The following KHDC4 variants were observed in gnomAD, a reference collection of about 807,000 sequenced individuals.
KHDC4 encodes KH homology domain-containing protein 4.
A neutral mutation model predicts 74.5 loss-of-function variants in KHDC4; 19 were observed. The ratio of observed to expected loss-of-function variants is 0.26; its 90% CI spans 0.18 to 0.37. The LOEUF (loss-of-function observed/expected upper bound fraction) is 0.37. Among genes scored for constraint, KHDC4 ranks in the 10% least tolerant of loss-of-function variants. KHDC4 has a pLI of 1.00. For missense variants in KHDC4, 632 were observed against 754.1 expected, an observed-to-expected ratio of 0.84 and a Z score of 1.90; for synonymous variants, 253 against 266.1, an observed-to-expected ratio of 0.95 and a Z score of 0.48.
intron 13 of KHDC4, 165 bp downstream of exon 13, chr1:155,915,708 T>A (rs1673716406): frequency 9.4e-6 from 5 of 531,790 alleles, no homozygotes; most frequent in Non-Finnish European, 1.7e-5. Context: ...GATTTCACTA[T>A]GTTGGCCAAG....
chr1:155,929,416 G>T (rs1342874087), intron 3 of KHDC4, 41 bp from the exon 4 acceptor site: 1 of 1,505,772 alleles, frequency 6.6e-7, no homozygotes, highest in Admixed American at 1.7e-5. Flanking sequence ...GTGGCAATTG[G>T]TTGATTTCAA....
chr1:155,927,824 A>AAAAC (rs1318767479), intron 4 of KHDC4, among the ~76,000 whole-genome samples: 8 of 88,288 alleles, frequency 9.1e-5, no homozygotes, highest in Admixed American at 8.1e-4. Flanking sequence ...AAAAAAAAAA[A>AAAAC]AAAAAAACCA....
At chr1:155,923,774 T>A (rs1673920137) in intron 7 of KHDC4, 87 bp from the exon 8 acceptor site, 1 of 975,918 alleles carries the variant, frequency 1.0e-6, no homozygotes, top group East Asian at 2.5e-5. Flanking sequence ...CTATTTTACA[T>A]ATCTACATTA....
rs1021738422 is a variant in KHDC4, at chr1:155,931,199, G to A, written c.256-1359C>T. Among the ~76,000 whole-genome samples, 6 of 147,596 alleles carry A rather than the reference G, an allele frequency of 4.1e-5. No homozygotes were observed. The East Asian group carries it at 1.0e-3, about 25-fold the overall frequency. Reference sequence around the variant, plus strand: ...TAGCTGGGCACGGTGGCATGAGACTGTAGTCTCAGCTACTCAGCAGGCTGA... The same window carrying A: ...TAGCTGGGCACGGTGGCATGAGACTATAGTCTCAGCTACTCAGCAGGCTGA... On this transcript the variant is annotated intron_variant, in intron 2 of 13. Coordinates refer to ENST00000368321, the MANE Select transcript of KHDC4 (RefSeq NM_014949.4).
At chr1:155,931,048 C>T (rs1674130113) in intron 2 of KHDC4, among the ~76,000 whole-genome samples, 1 of 151,608 alleles carries the variant, frequency 6.6e-6, no homozygotes, top group African/African-American at 2.4e-5. Context: ...AAGGCTGGGA[C>T]CGGTGGCTCA....
At chr1:155,925,581 T>C (rs879814382) in intron 7 of KHDC4, 51 bp downstream of exon 7, 1 of 1,466,586 alleles carries the variant, frequency 6.8e-7, no homozygotes, top group Non-Finnish European at 9.6e-7. Context: ...CTCCTGACTG[T>C]ACCAACAAGT....
intron 2 of KHDC4, among the ~76,000 whole-genome samples, chr1:155,930,338 C>CA (rs1674115151): frequency 6.6e-6 from 1 of 152,140 alleles, no homozygotes; most frequent in African/African-American, 2.4e-5. Flanking sequence ...AACAAGCAAA[C>CA]AAAAATCTCA....
chr1:155,923,651 C>T lies in KHDC4; in HGVS notation c.930G>A (p.Lys310=), dbSNP rs1204798902. 6.2e-7 allele frequency: 1 copy of T among 1,613,854 alleles called. No individual in the cohort carries two copies. Among genetic ancestry groups the T allele is most frequent in the Non-Finnish European group, 8.5e-7 (1 of 1,179,834 alleles). The part of the protein sequence containing the change: ...PKPEGLAAAK[K]LCENLLQTVH... ...CTGTTTGCAAAAGATTCTCACAAAG[C>T]TTCTTGGCAGCAGCCAGGCCTTCTG... The change falls in exon 8 of 14, where the codon AAG becomes AAA. Residue 310 remains lysine (K), a synonymous_variant. Transcript: ENST00000368321.
chr1:155,915,726 T>C (rs1673716865), intron 13 of KHDC4, 147 bp downstream of exon 13: 3 of 535,888 alleles, frequency 5.6e-6, no homozygotes, highest in African/African-American at 2.0e-5. Flanking sequence ...AAGCTGGTCT[T>C]GAACTCCTGA....
chr1:155,915,985 A>G, intron 12 of KHDC4, 21 bp from the exon 13 acceptor site: 1 of 1,470,228 alleles, frequency 6.8e-7, no homozygotes, highest in East Asian at 2.4e-5. Context: ...ACAAAATGAA[A>G]CTTTCTTTCA....
intron 2 of KHDC4, 83 bp downstream of exon 2, chr1:155,933,550 C>T (rs1674188755): frequency 1.8e-6 from 2 of 1,085,866 alleles, no homozygotes; most frequent in South Asian, 1.6e-5. Context: ...TCCCAAAGTG[C>T]TGGGATTACA....
chr1:155,916,717 A>G lies in KHDC4; in HGVS notation c.1461T>C (p.Thr487=), dbSNP rs1673739640. 1 of 1,613,426 alleles carries G rather than the reference A, an allele frequency of 6.2e-7. No homozygotes were observed. Among genetic ancestry groups the G allele is most frequent in the Non-Finnish European group, 8.5e-7 (1 of 1,179,712 alleles). Residue 487 remains threonine, a synonymous_variant, in exon 12 of 14, where the codon ACT becomes ACC. Coordinates refer to ENST00000368321, the MANE Select transcript of KHDC4 (RefSeq NM_014949.4). The part of the protein sequence containing the change: ...LGYQHGPIHM[T]NLGTGFSSQN... Reference sequence around the variant, plus strand: ...GACTGGAGAAGCCTGTACCTAAATTAGTCATATGAATGGGTCCATGCTATG... The same window carrying G: ...GACTGGAGAAGCCTGTACCTAAATTGGTCATATGAATGGGTCCATGCTATG...
At chr1:155,917,390 G>C (rs1442544411) in intron 11 of KHDC4, 109 bp downstream of exon 11, 4 of 972,898 alleles carry the variant, frequency 4.1e-6, no homozygotes, top group Non-Finnish European at 6.3e-6. Context: ...ATGAATTCCA[G>C]AAAGCAGAAA....
rs759007601 is a variant in KHDC4 at position 155,921,235 on chromosome 1, G to A, written c.1266+140C>T. 1.8e-5 allele frequency: 17 copies of A among 929,640 alleles called. No individual in the cohort carries two copies. In the Admixed American group the frequency reaches 1.9e-4, roughly 10 times the overall value. The allele number at this position is 929,640 out of a possible 1,614,324, so 57.6% of individuals were successfully genotyped here. A position where few individuals can be genotyped will look rare whatever the true frequency, so the allele number is the denominator to read the frequency against. On this transcript the variant is annotated intron_variant, in intron 10 of 13. Transcript: ENST00000368321. The stretch of plus-strand genomic sequence containing the variant: ...ACACTAATCCAAAATATTCAGGTAG[G>A]TTGGTGGTAGGAACACAGAAGACAG...
rs770228111 is a variant in KHDC4 at position 155,921,633 on chromosome 1, G to C, written c.1013-5C>G. On this transcript the variant is annotated splice_polypyrimidine_tract_variant and splice_region_variant and intron_variant, in intron 9 of 13. Transcript: ENST00000368321. ...TAGCAGAGGGTTGTGTATAGCCTGA[G>C]GGGGAAGAAAAAAAGTGTTTAATCA... The C allele has an allele frequency of 6.2e-7, 1 of 1,603,550 alleles. No homozygotes were observed. The highest frequency in any genetic ancestry group is 1.1e-5 in the South Asian group (1 of 90,442).
intron 7 of KHDC4, among the ~76,000 whole-genome samples, chr1:155,925,015 A>G (rs896095835): frequency 2.1e-5 from 3 of 139,910 alleles, no homozygotes; most frequent in African/African-American, 2.6e-5. Context: ...GGTGTACACC[A>G]TAACACCTGG....
rs747491163 is a variant in KHDC4, at chr1:155,916,779, T to A, written c.1441-42A>T. 128 of 1,335,888 alleles carry A rather than the reference T, an allele frequency of 9.6e-5. 2 individuals carry two copies. In the Middle Eastern group the frequency reaches 2.3e-3, roughly 24 times the overall value. The allele number at this position is 1,335,888 out of a possible 1,614,324, so 82.8% of individuals were successfully genotyped here. A position where few individuals can be genotyped will look rare whatever the true frequency, so the allele number is the denominator to read the frequency against. ...ACAGTGGCATTAGCAAATCTACAAC[T>A]GCCGTATTGACTTTAGCTCCTTAAT... On this transcript the variant is annotated intron_variant, in intron 11 of 13. Coordinates refer to ENST00000368321, the MANE Select transcript of KHDC4 (RefSeq NM_014949.4).
chr1:155,915,798 C>T (rs757136684), intron 13 of KHDC4, 75 bp downstream of exon 13: 42 of 964,764 alleles, frequency 4.4e-5, no homozygotes, highest in Non-Finnish European at 6.1e-5. Flanking sequence ...TGAGCCACTG[C>T]GCCCGGCTGA....
chr1:155,929,013 A>G (rs1674086676), intron 4 of KHDC4, among the ~76,000 whole-genome samples: 1 of 152,192 alleles, frequency 6.6e-6, no homozygotes, highest in Non-Finnish European at 1.5e-5. Flanking sequence ...GAAAGAAGAA[A>G]AAAGAGTATA....
Sources: allele counts gnomAD v4.1 joint callset (sites outside exome capture counted in the v4.1 genomes callset), GRCh38; gene constraint gnomAD v4.1.1; transcripts MANE v1.5; gene names NCBI Gene and HGNC (gene_info 2026-07-23, HGNC 2026-07-21).